Variants in TC2N observed in about 807,000 individuals in gnomAD.
TC2N encodes tandem C2 domains, nuclear, also known as tandem C2 domains nuclear protein.
TC2N carries 51 observed loss-of-function variants against 61.9 expected under a neutral mutation model. The ratio of observed to expected loss-of-function variants is 0.82; its 90% confidence interval spans 0.66 to 1.04. The LOEUF (loss-of-function observed/expected upper bound fraction) is 1.04, where lower values mean the gene tolerates loss of function less well. TC2N is among the 50% of genes least tolerant of loss of function. The pLI is 0.00. For synonymous variants in TC2N, 204 were observed against 192.6 expected, an observed-to-expected ratio of 1.06 and a Z score of -0.49; for missense variants, 556 against 566.7, an observed-to-expected ratio of 0.98 and a Z score of 0.19.
intron 1 of TC2N, among the ~76,000 whole-genome samples, chr14:91,853,353 G>T (rs913643103): frequency 3.9e-5 from 6 of 152,108 alleles, no homozygotes; most frequent in Admixed American, 3.3e-4. Flanking sequence ...GAGTGAAGGT[G>T]CCAGGTATGA....
chr14:91,858,746 G>A (rs1198507556), intron 1 of TC2N, among the ~76,000 whole-genome samples: 2 of 152,112 alleles, frequency 1.3e-5, no homozygotes, highest in African/African-American at 2.4e-5. Context: ...AGGGATAGGA[G>A]CTTTGTCACT....
chr14:91,796,805 C>A, intron 8 of TC2N, among the ~76,000 whole-genome samples: 1 of 152,082 alleles, frequency 6.6e-6, no homozygotes, highest in Middle Eastern at 3.2e-3. Flanking sequence ...AGAGAAAATT[C>A]TGTTGCTGTA....
chr14:91,781,112 A>C lies in TC2N; in HGVS notation c.*1988T>G, dbSNP rs574723722. The C allele has an allele frequency of 6.6e-6, 1 of 152,266 alleles. No homozygotes were observed. Among genetic ancestry groups the C allele is most frequent in the Admixed American group, 6.5e-5 (1 of 15,294 alleles). 9.4% of individuals were successfully genotyped at this position (152,266 alleles called of 1,614,324 possible). A position where few individuals can be genotyped will look rare whatever the true frequency, so the allele number is the denominator to read the frequency against. On this transcript the variant is annotated 3_prime_UTR_variant, in exon 12 of 12. Transcript: ENST00000435962. ...AATTAAATATTAAGTTAAATGCATGACTACATATATTAAATTTGGAAATTC... is the reference window on the plus strand; with the variant it reads ...AATTAAATATTAAGTTAAATGCATGCCTACATATATTAAATTTGGAAATTC...
At chr14:91,850,791 T>C (rs1283995503) in intron 1 of TC2N, among the ~76,000 whole-genome samples, 1 of 151,980 alleles carries the variant, frequency 6.6e-6, no homozygotes. Flanking sequence ...ATTAGCCAGG[T>C]GTGGTGGCAG....
intron 1 of TC2N, among the ~76,000 whole-genome samples, chr14:91,842,923 T>G (rs1452673027): frequency 1.3e-5 from 2 of 152,162 alleles, no homozygotes; most frequent in African/African-American, 4.8e-5. Context: ...ACTTTGAAGT[T>G]CCTTCCACTG....
chr14:91,835,439 A>G (rs758002547), intron 1 of TC2N, among the ~76,000 whole-genome samples: 4 of 152,236 alleles, frequency 2.6e-5, no homozygotes, highest in Non-Finnish European at 5.9e-5. Flanking sequence ...ACAAATTTCT[A>G]TTAACTGCCT....
chr14:91,809,521 C>T (rs1886672752), intron 3 of TC2N, among the ~76,000 whole-genome samples: 3 of 151,700 alleles, frequency 2.0e-5, no homozygotes, highest in African/African-American at 7.3e-5. Flanking sequence ...AAATAAAAAC[C>T]CTGAAGGCAA....
chr14:91,832,687 G>A (rs1887835357), intron 1 of TC2N, among the ~76,000 whole-genome samples: 2 of 152,054 alleles, frequency 1.3e-5, no homozygotes, highest in African/African-American at 4.8e-5. Flanking sequence ...AAACAATCCG[G>A]TGTTTTCCAG....
intron 1 of TC2N, among the ~76,000 whole-genome samples, chr14:91,865,908 T>C (rs1473816119): frequency 3.3e-5 from 5 of 152,230 alleles, no homozygotes; most frequent in Non-Finnish European, 7.3e-5. Context: ...AGATTAACTT[T>C]TTATAAAGTT....
intron 1 of TC2N, among the ~76,000 whole-genome samples, chr14:91,823,191 C>G (rs958993304): frequency 6.6e-6 from 1 of 151,692 alleles, no homozygotes; most frequent in African/African-American, 2.4e-5. Flanking sequence ...GAAAAAGAGG[C>G]CTCAAAAACA....
intron 1 of TC2N, among the ~76,000 whole-genome samples, chr14:91,819,812 T>C (rs1887165922): frequency 6.6e-6 from 1 of 152,172 alleles, no homozygotes; most frequent in South Asian, 2.1e-4. Flanking sequence ...GTATATGTGA[T>C]GTGGTATCAT....
intron 1 of TC2N, among the ~76,000 whole-genome samples, chr14:91,852,701 G>A (rs939067488): frequency 2.0e-5 from 3 of 152,152 alleles, no homozygotes; most frequent in Non-Finnish European, 2.9e-5. Context: ...TGACATGTTT[G>A]AGGAACAGTG....
At chr14:91,861,913 AATATAT>A (rs10654548) in intron 1 of TC2N, among the ~76,000 whole-genome samples, 1 of 148,768 alleles carries the variant, frequency 6.7e-6, no homozygotes, top group African/African-American at 2.5e-5. Context: ...GTCGTTGGAA[AATATAT>A]ATATATATGT....
In TC2N at chr14:91,781,111, G is replaced by T. The variant is rs561131451; in HGVS notation, c.*1989C>A. 6.6e-6 allele frequency: 1 copy of T among 151,930 alleles called. No individual in the cohort carries two copies. Among genetic ancestry groups the T allele is most frequent in the Non-Finnish European group, 1.5e-5 (1 of 67,938 alleles). 9.4% of individuals were successfully genotyped at this position (151,930 alleles called of 1,614,324 possible). ...TAATTAAATATTAAGTTAAATGCAT[G>T]ACTACATATATTAAATTTGGAAATT... On this transcript the variant is annotated 3_prime_UTR_variant, in exon 12 of 12. Transcript: ENST00000435962.
chr14:91,864,999 T>G (rs531287983), intron 1 of TC2N, among the ~76,000 whole-genome samples: 2 of 152,154 alleles, frequency 1.3e-5, no homozygotes, highest in East Asian at 3.9e-4. Flanking sequence ...AGGCTGGTCT[T>G]GAACTCCTGG....
At chr14:91,854,661 G>A (rs1274299804) in intron 1 of TC2N, among the ~76,000 whole-genome samples, 1 of 152,234 alleles carries the variant, frequency 6.6e-6, no homozygotes, top group Non-Finnish European at 1.5e-5. Context: ...ACAACCTCTT[G>A]TATTCCTTTA....
chr14:91,844,511 C>G (rs371141279), intron 1 of TC2N, among the ~76,000 whole-genome samples: 1 of 152,150 alleles, frequency 6.6e-6, no homozygotes, highest in South Asian at 2.1e-4. Context: ...CGCCTGTCAT[C>G]TCAGCACTGT....
chr14:91,785,074 T>G, intron 11 of TC2N, 88 bp downstream of exon 11: 1 of 889,204 alleles, frequency 1.1e-6, no homozygotes, highest in East Asian at 2.4e-5. Context: ...GTACTCTATT[T>G]GACTTTAATA....
chr14:91,805,230 T>C (rs137906638), intron 3 of TC2N, among the ~76,000 whole-genome samples: 1 of 152,064 alleles, frequency 6.6e-6, no homozygotes, highest in African/African-American at 2.4e-5. Context: ...TCTAAGTTTT[T>C]AACAAAAAAG....
Sources: allele counts gnomAD v4.1 joint callset (sites outside exome capture counted in the v4.1 genomes callset), GRCh38; gene constraint gnomAD v4.1.1; transcripts MANE v1.5; gene names NCBI Gene and HGNC (gene_info 2026-07-23, HGNC 2026-07-21).